The following SCOC variants were observed in gnomAD, a reference collection of about 807,000 sequenced individuals.
SCOC encodes short coiled-coil protein, also known as short coiled coil protein.
SCOC carries 7 observed loss-of-function variants against 9.9 expected under a neutral mutation model. The observed-to-expected ratio is 0.71, with a 90% CI of 0.40 to 1.33. SCOC has a LOEUF of 1.33. Ranked by LOEUF, SCOC falls within the 40% of genes most tolerant of loss-of-function variation. SCOC has a pLI of 0.01. For missense variants in SCOC, 66 were observed against 89.7 expected (o/e 0.74, Z 1.07); for synonymous variants, 19 against 28.2 (o/e 0.67, Z 1.03).
intron 1 of SCOC, among the ~76,000 whole-genome samples, chr4:140,292,347 C>T (rs1274644764): frequency 1.3e-5 from 2 of 152,010 alleles, no homozygotes; most frequent in African/African-American, 4.8e-5. Context: ...TGCCACCATG[C>T]CCAGCTAATT....
chr4:140,345,168 G>C (rs1726678905), intron 2 of SCOC, among the ~76,000 whole-genome samples: 1 of 152,190 alleles, frequency 6.6e-6, no homozygotes, highest in Admixed American at 6.5e-5. Flanking sequence ...GTGGGCATGG[G>C]CGCTGAAGAA....
chr4:140,311,112 C>G (rs931283970), intron 1 of SCOC, among the ~76,000 whole-genome samples: 1 of 152,122 alleles, frequency 6.6e-6, no homozygotes, highest in Non-Finnish European at 1.5e-5. Context: ...ACCTGCAGTC[C>G]TAACTACTAA....
At chr4:140,328,165 C>T (rs1311985032) in intron 1 of SCOC, among the ~76,000 whole-genome samples, 1 of 152,172 alleles carries the variant, frequency 6.6e-6, no homozygotes, top group African/African-American at 2.4e-5. Flanking sequence ...CATGTTAGCT[C>T]TTCTTACTGA....
chr4:140,284,823 G>A (rs1578768924), intron 1 of SCOC: 1 of 159,600 alleles, frequency 6.3e-6, no homozygotes, highest in African/African-American at 2.4e-5. Flanking sequence ...GGAAAGGACA[G>A]GCTTAGACTC....
At chr4:140,373,904 C>G in intron 1 of SCOC, 187 bp downstream of exon 1, 1 of 724,258 alleles carries the variant, frequency 1.4e-6, no homozygotes, top group Non-Finnish European at 2.5e-6. Context: ...AGAACCCTTG[C>G]GCGACCTCTT....
At chr4:140,366,372 G>T in intron 2 of SCOC, 2 of 1,250,428 alleles carry the variant, frequency 1.6e-6, no homozygotes, top group South Asian at 1.5e-5. Context: ...CTTCTTGCCT[G>T]CAGCGGTCAT....
In SCOC at chr4:140,382,543, T is replaced by A. The variant is rs1349199494; in HGVS notation, c.*1439T>A. The stretch of plus-strand genomic sequence containing the variant: ...TCTGCTTTGCCGTTTAATAAAAAGC[T>A]ATTTCAGAGGTTGTGTGTGTTTTGA... On this transcript the variant is annotated 3_prime_UTR_variant, in exon 4 of 4. Coordinates refer to ENST00000608372, the MANE Select transcript of SCOC (RefSeq NM_001153484.2). 6.6e-6 allele frequency: 1 copy of A among 152,658 alleles called. No individual in the cohort carries two copies. Among genetic ancestry groups the A allele is most frequent in the African/African-American group, 2.4e-5 (1 of 41,456 alleles). The allele number at this position is 152,658 out of a possible 1,614,324, so 9.5% of individuals were successfully genotyped here.
chr4:140,284,000 T>C (rs1469489597), intron 1 of SCOC: 1 of 152,120 alleles, frequency 6.6e-6, no homozygotes, highest in Admixed American at 6.5e-5. Flanking sequence ...TGAAGTGAGA[T>C]TAACATAAGC....
chr4:140,291,532 G>A (rs1578777260), intron 1 of SCOC: 1 of 457,140 alleles, frequency 2.2e-6, no homozygotes, highest in Non-Finnish European at 4.4e-6. Context: ...TCCTGGGACT[G>A]TATTATGGCA....
At chr4:140,324,540 C>T (rs529014601) in intron 1 of SCOC, among the ~76,000 whole-genome samples, 2 of 151,686 alleles carry the variant, frequency 1.3e-5, no homozygotes, top group Non-Finnish European at 2.9e-5. Flanking sequence ...TCCTATATTC[C>T]AGAAATGAAT....
chr4:140,286,820 T>C (rs140659447), intron 1 of SCOC, among the ~76,000 whole-genome samples: 2 of 152,246 alleles, frequency 1.3e-5, no homozygotes, highest in African/African-American at 4.8e-5. Flanking sequence ...GGAAATTGAC[T>C]CTCATCAGCC....
At chr4:140,315,452 T>G (rs1209780163) in intron 1 of SCOC, among the ~76,000 whole-genome samples, 2 of 152,354 alleles carry the variant, frequency 1.3e-5, no homozygotes, top group East Asian at 3.9e-4. Flanking sequence ...AGTGGTAGAA[T>G]TGGGGTTCAA....
intron 2 of SCOC, among the ~76,000 whole-genome samples, chr4:140,365,652 A>G (rs1727759334): frequency 6.6e-6 from 1 of 152,174 alleles, no homozygotes; most frequent in South Asian, 2.1e-4. Context: ...GGACAGGAAG[A>G]CCAACCCCTT....
At chr4:140,298,165 C>G (rs1269491980) in intron 1 of SCOC, among the ~76,000 whole-genome samples, 1 of 152,166 alleles carries the variant, frequency 6.6e-6, no homozygotes, top group Non-Finnish European at 1.5e-5. Context: ...ACCTTGCCAT[C>G]TGGTCTTCAG....
upstream of SCOC, among the ~76,000 whole-genome samples, chr4:140,372,141 G>A (rs1728082701): frequency 1.3e-5 from 2 of 152,208 alleles, no homozygotes; most frequent in African/African-American, 4.8e-5. Context: ...TCTTTAATAG[G>A]TATACAGTTT....
At chr4:140,310,255 T>A (rs575559680) in intron 1 of SCOC, among the ~76,000 whole-genome samples, 1 of 152,196 alleles carries the variant, frequency 6.6e-6, no homozygotes, top group African/African-American at 2.4e-5. Flanking sequence ...CTGGAAGTGA[T>A]ACAATATTAA....
intron 1 of SCOC, 112 bp downstream of exon 1, chr4:140,373,829 G>A: frequency 1.7e-6 from 2 of 1,183,264 alleles, no homozygotes; most frequent in Admixed American, 2.1e-5. Context: ...CCTGCGCACC[G>A]GGGGCCCGGG....
Position 140,288,260 on chromosome 4 carries a change from TA to T in SCOC, c.-19+30851del, listed in dbSNP as rs112023324. ...GTCACACCCACAATTCTATACATAC[TA>T]TGTACACGTAGACAAACACATCATA... On this transcript the variant is annotated intron_variant, in intron 1 of 4. Transcript: ENST00000394205. Among the ~76,000 whole-genome samples the T allele has an allele frequency of 3.3e-4, 50 of 152,064 alleles. 1 individual carries two copies. Among genetic ancestry groups the T allele is most frequent in the African/African-American group, 1.2e-3 (50 of 41,442 alleles).
At chr4:140,261,730 C>T (rs1163736726) in intron 1 of SCOC, among the ~76,000 whole-genome samples, 1 of 152,074 alleles carries the variant, frequency 6.6e-6, no homozygotes, top group Non-Finnish European at 1.5e-5. Flanking sequence ...TGCTTCCAGC[C>T]AGGAATGGGA....
Sources: gnomAD v4.1 joint callset for allele counts (sites outside exome capture counted in the v4.1 genomes callset) on GRCh38, gnomAD v4.1.1 for gene constraint, MANE v1.5 for transcripts, NCBI Gene and HGNC (gene_info 2026-07-23, HGNC 2026-07-21) for gene names.